INPP4A: variants seen among roughly 807,000 people sequenced by gnomAD.
The protein encoded by INPP4A is inositol polyphosphate-4-phosphatase, type I, 107kD.
In INPP4A, 33 loss-of-function variants were observed where a neutral mutation model predicts 119.8. That is an observed-to-expected ratio of 0.28 (90% confidence interval 0.21 to 0.37). INPP4A has a LOEUF of 0.37. Ranked by LOEUF, INPP4A falls within the 10% of genes least tolerant of loss-of-function variation. INPP4A has a pLI of 1.00. For synonymous variants in INPP4A, 496 were observed against 500.7 expected (o/e 0.99, Z 0.12); for missense variants, 956 against 1,289.9 (o/e 0.74, Z 3.97).
At chr2:98,495,830 G>A (rs993980237) in intron 1 of INPP4A, among the ~76,000 whole-genome samples, 17 of 152,192 alleles carry the variant, frequency 1.1e-4, no homozygotes, top group African/African-American at 3.9e-4. Flanking sequence ...CAGACTCTTA[G>A]TTAATTCTCT....
At chr2:98,561,479 G>C (rs1695461883) in intron 17 of INPP4A, among the ~76,000 whole-genome samples, 1 of 152,232 alleles carries the variant, frequency 6.6e-6, no homozygotes, top group Admixed American at 6.5e-5. Context: ...TCTCTGGGCA[G>C]ATAACGACAC....
chr2:98,533,609 G>A, intron 5 of INPP4A, 114 bp downstream of exon 5: 1 of 680,344 alleles, frequency 1.5e-6, no homozygotes, highest in South Asian at 1.8e-5. Context: ...TACGTGAGTT[G>A]TTGCTATTTT....
At chr2:98,562,859 G>A (rs1695739791) in intron 17 of INPP4A, among the ~76,000 whole-genome samples, 1 of 151,524 alleles carries the variant, frequency 6.6e-6, no homozygotes, top group African/African-American at 2.4e-5. Context: ...AGGAAGGTGG[G>A]GGTGGGGAAG....
intron 1 of INPP4A, among the ~76,000 whole-genome samples, chr2:98,509,107 A>G (rs569821208): frequency 3.4e-4 from 52 of 152,154 alleles, no homozygotes; most frequent in Non-Finnish European, 6.5e-4. Flanking sequence ...TCTACCATTC[A>G]TCTTTGTTAC....
intron 1 of INPP4A, among the ~76,000 whole-genome samples, chr2:98,470,344 G>A (rs1485884187): frequency 6.6e-6 from 1 of 152,256 alleles, no homozygotes; most frequent in Non-Finnish European, 1.5e-5. Flanking sequence ...CCCACCTGGG[G>A]TTCCCCTGAT....
intron 24 of INPP4A, chr2:98,581,501 T>G: frequency 7.2e-7 from 1 of 1,386,408 alleles, no homozygotes; most frequent in Non-Finnish European, 9.6e-7. Context: ...CCATCGCATG[T>G]GTCTTCTTTT....
At chr2:98,460,000 T>C (rs1208366618) in intron 1 of INPP4A, among the ~76,000 whole-genome samples, 3 of 152,124 alleles carry the variant, frequency 2.0e-5, no homozygotes, top group Non-Finnish European at 4.4e-5. Context: ...GCAGTGACCT[T>C]TTTTATCCTT....
intron 1 of INPP4A, among the ~76,000 whole-genome samples, chr2:98,459,015 T>C (rs1318260312): frequency 6.6e-6 from 1 of 152,206 alleles, no homozygotes. Context: ...TGACTGACTT[T>C]TACCACATTT....
chr2:98,564,557 G>A (rs1696082883), intron 18 of INPP4A, 83 bp from the exon 19 acceptor site: 3 of 1,530,350 alleles, frequency 2.0e-6, no homozygotes, highest in Middle Eastern at 2.3e-4. Flanking sequence ...GAGGAAGGGG[G>A]CGGTGGGGGG....
At chr2:98,485,431 T>C (rs1460984912) in intron 1 of INPP4A, among the ~76,000 whole-genome samples, 1 of 152,332 alleles carries the variant, frequency 6.6e-6, no homozygotes, top group Non-Finnish European at 1.5e-5. Flanking sequence ...TCCCTCTCTA[T>C]ATTTTCCAAG....
intron 1 of INPP4A, among the ~76,000 whole-genome samples, chr2:98,475,384 C>T (rs1013050459): frequency 6.6e-6 from 1 of 152,132 alleles, no homozygotes; most frequent in Non-Finnish European, 1.5e-5. Flanking sequence ...ACCTCTAAAA[C>T]CCCATGGGCG....
In INPP4A at chr2:98,587,885, A is replaced by C; in HGVS notation, c.*277A>C. 5.2e-5 allele frequency: 15 copies of C among 287,034 alleles called. No homozygotes were observed. Among genetic ancestry groups the C allele is most frequent in the East Asian group, 1.1e-4 (2 of 18,670 alleles). 17.8% of individuals were successfully genotyped at this position (287,034 alleles called of 1,614,324 possible). ...CTTTGGCTGTAACTACACAGATCTC[A>C]TCAATAGTTACCTACATGAATCAAG... On this transcript the variant is annotated 3_prime_UTR_variant, in exon 25 of 25. Coordinates refer to ENST00000409851, the MANE Select transcript of INPP4A (RefSeq NM_001134225.2).
rs779826901 is a variant in INPP4A at position 98,572,930 on chromosome 2, A to G, written c.2631+3A>G. 1 of 1,562,604 alleles carries G rather than the reference A, an allele frequency of 6.4e-7. No homozygotes were observed. Reference sequence around the variant, plus strand: ...ACATTCTCTGGCAAGCTGCTGAGGTACTGGTTACAGAGAGGAAAAGGAGGC... The same window carrying G: ...ACATTCTCTGGCAAGCTGCTGAGGTGCTGGTTACAGAGAGGAAAAGGAGGC... On this transcript the variant is annotated splice_donor_region_variant and intron_variant, in intron 23 of 24. Transcript: ENST00000409851.
chr2:98,470,108 C>T (rs1166555873), intron 1 of INPP4A, among the ~76,000 whole-genome samples: 1 of 152,246 alleles, frequency 6.6e-6, no homozygotes, highest in Non-Finnish European at 1.5e-5. Flanking sequence ...GTTCTGGCCA[C>T]TTCTCAGCAC....
chr2:98,577,237 C>T (rs552656724), intron 24 of INPP4A, 94 bp downstream of exon 24: 1 of 1,307,584 alleles, frequency 7.6e-7, no homozygotes, highest in South Asian at 1.6e-5. Flanking sequence ...AGGGCCTACC[C>T]TGCATGAGCC....
chr2:98,464,008 A>G (rs1351071479), intron 1 of INPP4A, among the ~76,000 whole-genome samples: 1 of 152,200 alleles, frequency 6.6e-6, no homozygotes, highest in East Asian at 1.9e-4. Context: ...AATGGGTGCA[A>G]AAAAGATATC....
chr2:98,552,358 C>G (rs190217291), intron 13 of INPP4A, among the ~76,000 whole-genome samples: 1 of 152,286 alleles, frequency 6.6e-6, no homozygotes, highest in Admixed American at 6.5e-5. Flanking sequence ...CTAACACCCA[C>G]TGCAGTCTCT....
intron 1 of INPP4A, among the ~76,000 whole-genome samples, chr2:98,509,518 A>G (rs190196901): frequency 1.0e-3 from 159 of 152,332 alleles, no homozygotes; most frequent in African/African-American, 3.6e-3. Context: ...CCTGGTGTCA[A>G]TAAGGTTGGG....
At chr2:98,500,252 T>G (rs1574768756) in intron 1 of INPP4A, among the ~76,000 whole-genome samples, 1 of 152,036 alleles carries the variant, frequency 6.6e-6, no homozygotes, top group East Asian at 1.9e-4. Flanking sequence ...CTTTATGACA[T>G]GGGGTGTGAG....
Sources: allele counts gnomAD v4.1 joint callset (sites outside exome capture counted in the v4.1 genomes callset), GRCh38; gene constraint gnomAD v4.1.1; transcripts MANE v1.5; gene names NCBI Gene and HGNC (gene_info 2026-07-23, HGNC 2026-07-21).